NUBPL: variants seen among roughly 807,000 people sequenced by gnomAD.
The protein encoded by NUBPL is NUBP iron-sulfur cluster assembly factor, mitochondrial, also known as iron-sulfur cluster transfer protein NUBPL.
In NUBPL, 31 loss-of-function variants were observed where a neutral mutation model predicts 45.7. The observed-to-expected ratio is 0.68, with a 90% confidence interval of 0.51 to 0.92. The LOEUF is 0.92. Among genes scored for constraint, NUBPL ranks in the 40% least tolerant of loss-of-function variants. The pLI is 0.00. For missense variants in NUBPL, 401 were observed against 398.7 expected (o/e 1.01, Z -0.05); for synonymous variants, 144 against 140.9 (o/e 1.02, Z -0.15).
At chr14:31,844,141 AC>A (rs1192057466) in intron 8 of NUBPL, 30 of 152,388 alleles carry the variant, frequency 2.0e-4, no homozygotes, top group Admixed American at 1.7e-3. Context: ...GATGTAAATC[AC>A]ACAAACTGCA....
At position 31,693,814 on chromosome 14, in the gene NUBPL, A is replaced by AC. The variant is rs1294522347; in HGVS notation, c.513+20240_513+20241insC. 2.6e-3 allele frequency among the ~76,000 whole-genome samples: 392 copies of AC among 149,852 alleles called. 16 individuals carry two copies. The highest frequency in any genetic ancestry group is 0.025 in the Admixed American group (372 of 14,844). On this transcript the variant is annotated intron_variant, in intron 6 of 10. Transcript: ENST00000281081. Reference sequence around the variant, plus strand: ...TAAGACAAAATTAAAAAAAAAAAAAAAAAAAAAAACCTTTAAACATGAGGT... The same window carrying AC: ...TAAGACAAAATTAAAAAAAAAAAAAACAAAAAAAAACCTTTAAACATGAGGT...
intron 6 of NUBPL, among the ~76,000 whole-genome samples, chr14:31,727,915 T>C (rs575563434): frequency 9.2e-4 from 140 of 152,328 alleles, no homozygotes; most frequent in African/African-American, 3.2e-3. Flanking sequence ...CATTTTAATA[T>C]ACAACATTTG....
chr14:31,834,279 C>T (rs2040240664), intron 8 of NUBPL, among the ~76,000 whole-genome samples: 1 of 144,162 alleles, frequency 6.9e-6, no homozygotes, highest in Non-Finnish European at 1.5e-5. Context: ...CTCCTGGGTT[C>T]AAGCAATTCT....
At chr14:31,688,485 G>T (rs144941679) in intron 6 of NUBPL, among the ~76,000 whole-genome samples, 7,146 of 151,394 alleles carry the variant, frequency 0.047, 210 homozygotes, top group Admixed American at 0.066. Context: ...GCTGAGGCAG[G>T]AGAATCGCTC....
rs544106310 is a variant in NUBPL at position 31,720,139 on chromosome 14, C to T, written c.513+46565C>T. ...TATTACTTTTACTTTGATTTATTCT[C>T]ATCGCCCACTTCTCATAATTCTGTA... is the stretch of plus-strand genomic sequence containing the variant. On this transcript the variant is annotated intron_variant, in intron 6 of 10. Coordinates refer to ENST00000281081, the MANE Select transcript of NUBPL (RefSeq NM_025152.3). Among the ~76,000 whole-genome samples, 8 of 152,242 alleles carry T rather than the reference C, an allele frequency of 5.3e-5. No homozygotes were observed. The South Asian group carries it at 1.5e-3, about 28-fold the overall frequency.
intron 4 of NUBPL, among the ~76,000 whole-genome samples, chr14:31,666,263 A>ATATATATATATATATATATTTATTATTT: frequency 1.2e-4 from 13 of 111,872 alleles, no homozygotes; most frequent in African/African-American, 4.0e-4. Context: ...ATATATATAT[A>ATATATATATATATATATATTTATTATTT]ATTTTATTTT....
At chr14:31,711,337 T>A (rs879330317) in intron 6 of NUBPL, among the ~76,000 whole-genome samples, 43 of 152,250 alleles carry the variant, frequency 2.8e-4, no homozygotes, top group African/African-American at 8.9e-4. Flanking sequence ...GTGTCTTTAG[T>A]CTGGTTGCCG....
At chr14:31,616,221 C>G (rs1052117047) in intron 4 of NUBPL, among the ~76,000 whole-genome samples, 3 of 151,818 alleles carry the variant, frequency 2.0e-5, no homozygotes, top group Non-Finnish European at 4.4e-5. Context: ...AAAATTTTCT[C>G]CCATTCTGTA....
intron 6 of NUBPL, among the ~76,000 whole-genome samples, chr14:31,784,249 C>A (rs78970756): frequency 0.014 from 2,112 of 152,144 alleles, 44 homozygotes; most frequent in African/African-American, 0.048. Flanking sequence ...AGTTACAGTT[C>A]GTTTTCTTTT....
intron 8 of NUBPL, among the ~76,000 whole-genome samples, chr14:31,837,605 A>G (rs2040302394): frequency 2.0e-5 from 3 of 152,236 alleles, no homozygotes; most frequent in Admixed American, 2.0e-4. Flanking sequence ...AAATATTATC[A>G]TTTCAACATG....
At chr14:31,700,748 C>G (rs1039187201) in intron 6 of NUBPL, among the ~76,000 whole-genome samples, 22 of 152,156 alleles carry the variant, frequency 1.4e-4, no homozygotes, top group Non-Finnish European at 2.9e-5. Flanking sequence ...CTGCACTGCA[C>G]TTGAATTCTT....
chr14:31,748,706 G>A (rs150271782), intron 6 of NUBPL, among the ~76,000 whole-genome samples: 359 of 152,028 alleles, frequency 2.4e-3, no homozygotes, highest in African/African-American at 6.5e-3. Flanking sequence ...TCTGCCTCCC[G>A]GGTTCAAGCG....
At chr14:31,751,137 A>C (rs1447223579) in intron 6 of NUBPL, among the ~76,000 whole-genome samples, 1 of 152,172 alleles carries the variant, frequency 6.6e-6, no homozygotes, top group Non-Finnish European at 1.5e-5. Context: ...TTACAATTCA[A>C]GATGAGATTT....
chr14:31,635,040 G>T (rs1195029747), intron 4 of NUBPL, among the ~76,000 whole-genome samples: 1 of 149,520 alleles, frequency 6.7e-6, no homozygotes. Flanking sequence ...TTTGTAGGTT[G>T]CCTGTTCACT....
chr14:31,670,777 G>T (rs1369210751), intron 4 of NUBPL, among the ~76,000 whole-genome samples: 1 of 152,126 alleles, frequency 6.6e-6, no homozygotes, highest in Middle Eastern at 3.2e-3. Flanking sequence ...AGATCAGATG[G>T]TTGTAGTTGT....
chr14:31,696,185 G>A (rs1299332369), intron 6 of NUBPL, among the ~76,000 whole-genome samples: 2 of 152,128 alleles, frequency 1.3e-5, no homozygotes, highest in South Asian at 2.1e-4. Flanking sequence ...AAGATCTCCT[G>A]CTGCAGCCTT....
intron 6 of NUBPL, among the ~76,000 whole-genome samples, chr14:31,784,765 C>T (rs2039254932): frequency 1.3e-5 from 2 of 151,982 alleles, no homozygotes; most frequent in African/African-American, 4.8e-5. Context: ...GTCATTATGT[C>T]AATATCAAGT....
intron 7 of NUBPL, among the ~76,000 whole-genome samples, chr14:31,812,965 G>A (rs1316288894): frequency 1.3e-5 from 2 of 149,210 alleles, no homozygotes; most frequent in Admixed American, 6.8e-5. Context: ...AACTCATTCT[G>A]GATAGCTCTT....
chr14:31,856,384 T>C (rs1467193043), intron 10 of NUBPL, among the ~76,000 whole-genome samples: 2 of 152,014 alleles, frequency 1.3e-5, no homozygotes, highest in East Asian at 3.9e-4. Context: ...GAAGATGAGA[T>C]TTGGGTGGGG....
Sources: allele counts gnomAD v4.1 joint callset (sites outside exome capture counted in the v4.1 genomes callset), GRCh38; gene constraint gnomAD v4.1.1; transcripts MANE v1.5; gene names NCBI Gene and HGNC (gene_info 2026-07-23, HGNC 2026-07-21).